CDH4: variants seen among roughly 807,000 people sequenced by gnomAD.
The protein encoded by CDH4 is cadherin-4.
A neutral mutation model predicts 86.0 loss-of-function variants in CDH4; 33 were observed. The observed-to-expected ratio is 0.38, with a 90% confidence interval of 0.29 to 0.51. The LOEUF is 0.51. Among genes scored for constraint, CDH4 ranks in the 20% least tolerant of loss-of-function variants. The pLI is 0.86. For missense variants in CDH4, 1,114 were observed against 1,307.4 expected, an observed-to-expected ratio of 0.85 and a Z score of 2.28; for synonymous variants, 555 against 549.4, an observed-to-expected ratio of 1.01 and a Z score of -0.14.
intron 2 of CDH4, among the ~76,000 whole-genome samples, chr20:61,690,609 T>C (rs1375100503): frequency 6.6e-6 from 1 of 152,004 alleles, no homozygotes; most frequent in Non-Finnish European, 1.5e-5. Flanking sequence ...CTGTTCGGAG[T>C]GCTCTGAGCG....
At chr20:61,570,685 G>C (rs1211219665) in intron 2 of CDH4, 2 of 702,398 alleles carry the variant, frequency 2.8e-6, no homozygotes, top group South Asian at 3.0e-5. Flanking sequence ...TCAAGTTCCA[G>C]AGGAAAGCGA....
intron 2 of CDH4, among the ~76,000 whole-genome samples, chr20:61,736,246 G>A (rs948248105): frequency 6.6e-6 from 1 of 152,242 alleles, no homozygotes; most frequent in Non-Finnish European, 1.5e-5. Context: ...CCCCTGTTCC[G>A]GTCACACCAG....
At chr20:61,785,547 A>AC (rs1978829417) in intron 4 of CDH4, among the ~76,000 whole-genome samples, 3 of 152,120 alleles carry the variant, frequency 2.0e-5, no homozygotes, top group African/African-American at 7.2e-5. Flanking sequence ...CACCAGGTGC[A>AC]CAGAGCCCTC....
intron 2 of CDH4, among the ~76,000 whole-genome samples, chr20:61,331,588 G>A (rs13042117): frequency 0.037 from 675 of 18,464 alleles, no homozygotes; most frequent in Middle Eastern, 0.1. Context: ...CCTGCCCCAG[G>A]CCCACCTCCT....
At chr20:61,926,953 T>C (rs1371415039) in intron 11 of CDH4, among the ~76,000 whole-genome samples, 1 of 151,276 alleles carries the variant, frequency 6.6e-6, no homozygotes, top group Non-Finnish European at 1.5e-5. Flanking sequence ...GCAGACGCCG[T>C]GTGAGGGAGC....
intron 5 of CDH4, among the ~76,000 whole-genome samples, chr20:61,851,205 G>A (rs962526056): frequency 5.3e-5 from 8 of 152,342 alleles, no homozygotes; most frequent in East Asian, 3.9e-4. Context: ...CACATCTCGC[G>A]TGGCAGTCTG....
chr20:61,844,753 G>A lies in CDH4; in HGVS notation c.662G>A (p.Ser221Asn), dbSNP rs766109068. 1 of 1,614,094 alleles carries A rather than the reference G, an allele frequency of 6.2e-7. No homozygotes were observed. The highest frequency in any genetic ancestry group is 8.5e-7 in the Non-Finnish European group (1 of 1,179,978). Residue 221 changes from serine (S) to asparagine (N), a missense_variant, in exon 5 of 16, where the codon AGC becomes AAC. Ser to Asn is a conservative substitution (Grantham distance 46). Transcript: ENST00000614565. The part of the protein sequence containing the change: ...GADQPPMEVF[S>N]IDSMSGRMYV... ...GACCAGCCCCCCATGGAGGTCTTCA[G>A]CATTGACTCCATGTCCGGCCGGATG...
At chr20:61,815,941 C>A (rs1463213974) in intron 4 of CDH4, among the ~76,000 whole-genome samples, 1 of 152,192 alleles carries the variant, frequency 6.6e-6, no homozygotes, top group Non-Finnish European at 1.5e-5. Context: ...CCACTTCTCT[C>A]AATTTACAAA....
chr20:61,735,139 C>T (rs1241417099), intron 2 of CDH4, among the ~76,000 whole-genome samples: 1 of 152,136 alleles, frequency 6.6e-6, no homozygotes, highest in Non-Finnish European at 1.5e-5. Flanking sequence ...GGAGAGGAAG[C>T]TGTGGCCGGC....
At chr20:61,319,894 G>T (rs1462128629) in intron 2 of CDH4, among the ~76,000 whole-genome samples, 1 of 151,612 alleles carries the variant, frequency 6.6e-6, no homozygotes, top group Non-Finnish European at 1.5e-5. Flanking sequence ...GGCGAAGGAT[G>T]CAGTAAGCCG....
intron 2 of CDH4, among the ~76,000 whole-genome samples, chr20:61,271,522 G>A (rs1466927191): frequency 5.9e-5 from 9 of 152,212 alleles, no homozygotes; most frequent in Admixed American, 2.6e-4. Context: ...AAATTGCCCT[G>A]TGGGCTGGCA....
At chr20:61,748,636 CAG>C (rs2088447852) in intron 3 of CDH4, among the ~76,000 whole-genome samples, 1 of 152,040 alleles carries the variant, frequency 6.6e-6, no homozygotes, top group Admixed American at 6.5e-5. Flanking sequence ...TGGGTGTAAA[CAG>C]AGAACTCGAA....
chr20:61,560,002 T>A (rs1242316477), intron 2 of CDH4, among the ~76,000 whole-genome samples: 1 of 152,162 alleles, frequency 6.6e-6, no homozygotes, highest in African/African-American at 2.4e-5. Context: ...TCCATCGACA[T>A]CCAACTTATT....
chr20:61,718,923 G>A (rs867731033), intron 2 of CDH4: 4 of 471,026 alleles, frequency 8.5e-6, no homozygotes, highest in African/African-American at 2.0e-5. Context: ...TTCCAGCCCA[G>A]GGTGTTGGTT....
At chr20:61,549,227 G>A (rs1478138153) in intron 2 of CDH4, among the ~76,000 whole-genome samples, 1 of 152,170 alleles carries the variant, frequency 6.6e-6, no homozygotes, top group East Asian at 1.9e-4. Context: ...ATAGCAATTG[G>A]CGTGAAATAC....
chr20:61,743,741 G>A lies in CDH4; in HGVS notation c.348G>A (p.Val116=). ...AGACAGCAGAGAAATGGGACGCCGT[G>A]GTGCGGTTGCTGGTGGCCCAGACCT... ...DSQTAEKWDA[V]VRLLVAQTSS... is the part of the protein sequence containing the mutation. Residue 116 remains valine, a synonymous_variant, in exon 3 of 16, where the codon GTG becomes GTA. Coordinates refer to ENST00000614565, the MANE Select transcript of CDH4 (RefSeq NM_001794.5). The A allele has an allele frequency of 3.1e-6, 5 of 1,610,576 alleles. No individual in the cohort carries two copies. The highest frequency in any genetic ancestry group is 3.4e-6 in the Non-Finnish European group (4 of 1,178,772).
chr20:61,398,506 A>T (rs2085031383), intron 2 of CDH4, among the ~76,000 whole-genome samples: 1 of 152,166 alleles, frequency 6.6e-6, no homozygotes, highest in African/African-American at 2.4e-5. Flanking sequence ...GAGCAGGCTG[A>T]TGGGTAGGAG....
chr20:61,503,419 T>A (rs1207175184), intron 2 of CDH4, among the ~76,000 whole-genome samples: 1 of 152,240 alleles, frequency 6.6e-6, no homozygotes, highest in Non-Finnish European at 1.5e-5. Flanking sequence ...CAGCCAGCAT[T>A]ACTGAAAGTG....
chr20:61,637,309 G>A (rs1054095787), intron 2 of CDH4, among the ~76,000 whole-genome samples: 1 of 152,166 alleles, frequency 6.6e-6, no homozygotes, highest in Non-Finnish European at 1.5e-5. Context: ...AGGCTGCATA[G>A]CCGCTCCCAC....
Sources: gnomAD v4.1 joint callset for allele counts (sites outside exome capture counted in the v4.1 genomes callset) on GRCh38, gnomAD v4.1.1 for gene constraint, MANE v1.5 for transcripts, NCBI Gene and HGNC (gene_info 2026-07-23, HGNC 2026-07-21) for gene names.